Variants in SH3PXD2B observed in about 807,000 individuals in gnomAD.
The protein encoded by SH3PXD2B is SH3 and PX domains 2B.
SH3PXD2B carries 37 observed loss-of-function variants against 73.1 expected under a neutral mutation model. That is an observed-to-expected ratio of 0.51 (90% CI 0.39 to 0.67). SH3PXD2B has a LOEUF of 0.67. SH3PXD2B is among the 30% of genes least tolerant of loss of function. The pLI is 0.00. For synonymous variants in SH3PXD2B, 457 were observed against 480.5 expected (o/e 0.95, Z 0.64); for missense variants, 1,053 against 1,197.8 (o/e 0.88, Z 1.78).
At chr5:172,426,265 G>A (rs367712523) in intron 1 of SH3PXD2B, among the ~76,000 whole-genome samples, 17 of 152,314 alleles carry the variant, frequency 1.1e-4, no homozygotes, top group East Asian at 9.7e-4. Context: ...CTGCCCTAGC[G>A]TAGGGCTTTG....
At position 172,333,838 on chromosome 5, in the gene SH3PXD2B, A is replaced by C; in HGVS notation, c.*4531T>G. ...AAGCAGGAAATGTGGGTTGTAATCA[A>C]GGTGGCCACAGTTTATCATCACCCC... is the stretch of plus-strand genomic sequence containing the variant. On this transcript the variant is annotated 3_prime_UTR_variant, in exon 13 of 13. Transcript: ENST00000311601. 7.8e-7 allele frequency: 1 copy of C among 1,287,208 alleles called. No homozygotes were observed. The highest frequency in any genetic ancestry group is 1.0e-6 in the Non-Finnish European group (1 of 988,286). 79.7% of individuals were successfully genotyped at this position (1,287,208 alleles called of 1,614,324 possible).
intron 6 of SH3PXD2B, among the ~76,000 whole-genome samples, chr5:172,368,422 T>C (rs1757573589): frequency 1.5e-5 from 2 of 131,152 alleles, no homozygotes; most frequent in Non-Finnish European, 1.6e-5. Flanking sequence ...AGGCCTGTGA[T>C]ATGTTTTGGT....
chr5:172,342,503 G>A (rs536072664), intron 12 of SH3PXD2B, among the ~76,000 whole-genome samples: 1 of 152,310 alleles, frequency 6.6e-6, no homozygotes, highest in South Asian at 2.1e-4. Flanking sequence ...GCTCACACCT[G>A]TAATCCCAGC....
chr5:172,368,551 A>T (rs1195715463), intron 6 of SH3PXD2B, among the ~76,000 whole-genome samples: 14 of 20,966 alleles, frequency 6.7e-4, no homozygotes, highest in African/African-American at 2.2e-3. Flanking sequence ...AAATATATAT[A>T]TATTATATAT....
At chr5:172,453,996 A>T (rs935440591) in intron 1 of SH3PXD2B, among the ~76,000 whole-genome samples, 13 of 151,574 alleles carry the variant, frequency 8.6e-5, no homozygotes, top group Admixed American at 1.3e-4. Flanking sequence ...TTGGGGGGAC[A>T]CGGAGAAGAC....
chr5:172,382,001 G>A, intron 5 of SH3PXD2B, 35 bp downstream of exon 5: 3 of 1,551,344 alleles, frequency 1.9e-6, no homozygotes, highest in Non-Finnish European at 2.6e-6. Context: ...GAGGGCTGTG[G>A]GGCTCCATCT....
intron 10 of SH3PXD2B, among the ~76,000 whole-genome samples, chr5:172,348,667 C>CT (rs1258620563): frequency 9.1e-4 from 24 of 26,320 alleles, no homozygotes; most frequent in South Asian, 3.3e-3. Context: ...ATCTATCTAT[C>CT]TATCTATCTA....
chr5:172,350,636 A>C (rs1341086441), intron 9 of SH3PXD2B, 47 bp from the exon 10 acceptor site: 20 of 1,539,228 alleles, frequency 1.3e-5, no homozygotes, highest in Non-Finnish European at 1.8e-5. Context: ...GCCAGGCCCA[A>C]GGGAAGAAGC....
chr5:172,325,453 C>A (rs1460991616), intron 12 of SH3PXD2B: 3 of 1,020,994 alleles, frequency 2.9e-6, no homozygotes, highest in Non-Finnish European at 4.4e-6. Context: ...TGGCCTGGGA[C>A]TTTGTCTGTT....
chr5:172,422,287 G>A (rs543995976), intron 2 of SH3PXD2B, 129 bp downstream of exon 2: 136 of 867,110 alleles, frequency 1.6e-4, no homozygotes, highest in African/African-American at 1.4e-3. Flanking sequence ...GAGCCACCAC[G>A]CCCAGCCATG....
At chr5:172,444,950 C>G (rs1225999157) in intron 1 of SH3PXD2B, among the ~76,000 whole-genome samples, 1 of 152,194 alleles carries the variant, frequency 6.6e-6, no homozygotes, top group Non-Finnish European at 1.5e-5. Context: ...GTCCTTCTGG[C>G]CCCTCTACCC....
chr5:172,363,819 T>C (rs889498516), intron 6 of SH3PXD2B, among the ~76,000 whole-genome samples: 3 of 152,206 alleles, frequency 2.0e-5, no homozygotes, highest in Admixed American at 1.3e-4. Flanking sequence ...GGGTTGCTTT[T>C]AACCTTGAAG....
At chr5:172,396,184 C>T (rs1220178040) in intron 3 of SH3PXD2B, among the ~76,000 whole-genome samples, 50 of 115,882 alleles carry the variant, frequency 4.3e-4, no homozygotes, top group African/African-American at 1.7e-3. Context: ...AAAACTCTGT[C>T]TCTACTAAAA....
At chr5:172,329,540 C>CTTTTTTTTTT (rs370876232), downstream of SH3PXD2B, among the ~76,000 whole-genome samples, 329 of 106,402 alleles carry the variant, frequency 3.1e-3, 33 homozygotes, top group African/African-American at 9.5e-3. Context: ...CTTTGTTATT[C>CTTTTTTTTTT]TTTTTTTTTT....
chr5:172,392,619 C>CAA (rs566564799), intron 4 of SH3PXD2B, among the ~76,000 whole-genome samples: 2,976 of 116,674 alleles, frequency 0.026, 107 homozygotes, highest in African/African-American at 0.076. Context: ...ACTAAAAATA[C>CAA]AAAAAAAAAA....
chr5:172,389,651 A>T (rs1758135427), intron 4 of SH3PXD2B, among the ~76,000 whole-genome samples: 1 of 151,400 alleles, frequency 6.6e-6, no homozygotes. Context: ...ACTTGAGCCT[A>T]GGAGACTGAG....
At chr5:172,424,197 A>G (rs976007733) in intron 1 of SH3PXD2B, among the ~76,000 whole-genome samples, 1 of 152,244 alleles carries the variant, frequency 6.6e-6, no homozygotes, top group Admixed American at 6.5e-5. Context: ...ACTGTCTTGA[A>G]TAACTTTTGT....
At chr5:172,436,207 C>T (rs1256329283) in intron 1 of SH3PXD2B, among the ~76,000 whole-genome samples, 2 of 152,236 alleles carry the variant, frequency 1.3e-5, no homozygotes, top group Admixed American at 6.5e-5. Flanking sequence ...AGAAGTGACT[C>T]AGGCCAGCAG....
At chr5:172,405,855 C>T (rs1758543903) in intron 3 of SH3PXD2B, among the ~76,000 whole-genome samples, 1 of 152,190 alleles carries the variant, frequency 6.6e-6, no homozygotes, top group Non-Finnish European at 1.5e-5. Flanking sequence ...ACTAGAAAAA[C>T]TTTCTGAGTT....
Sources: gnomAD v4.1 joint callset for allele counts (sites outside exome capture counted in the v4.1 genomes callset) on GRCh38, gnomAD v4.1.1 for gene constraint, MANE v1.5 for transcripts, NCBI Gene and HGNC (gene_info 2026-07-23, HGNC 2026-07-21) for gene names.